Variants in OSBPL10 observed in about 807,000 individuals in gnomAD.
OSBPL10 encodes oxysterol binding protein like 10.
In OSBPL10, 49 loss-of-function variants were observed where a neutral mutation model predicts 81.7. The ratio of observed to expected loss-of-function variants is 0.60; its 90% confidence interval spans 0.48 to 0.76. The LOEUF is 0.76. Ranked by LOEUF, OSBPL10 falls within the 30% of genes least tolerant of loss-of-function variation. The pLI, the probability that OSBPL10 is intolerant of heterozygous loss-of-function variation, is 0.00. For synonymous variants in OSBPL10, 419 were observed against 383.6 expected, an observed-to-expected ratio of 1.09 and a Z score of -1.08; for missense variants, 923 against 987.8, an observed-to-expected ratio of 0.93 and a Z score of 0.88.
chr3:31,833,654 A>G (rs2125536746), intron 3 of OSBPL10, among the ~76,000 whole-genome samples: 1 of 152,026 alleles, frequency 6.6e-6, no homozygotes, highest in East Asian at 1.9e-4. Context: ...AAATACTTAC[A>G]GGGTCAGCCA....
intron 8 of OSBPL10, 101 bp downstream of exon 8, chr3:31,683,533 C>T (rs1700707947): frequency 6.8e-7 from 1 of 1,477,166 alleles, no homozygotes; most frequent in African/African-American, 1.4e-5. Context: ...CAGTTAAAAA[C>T]AACAACAACA....
At chr3:31,939,141 A>T (rs1192336314) in intron 1 of OSBPL10, among the ~76,000 whole-genome samples, 4 of 104,174 alleles carry the variant, frequency 3.8e-5, no homozygotes, top group African/African-American at 1.7e-4. Flanking sequence ...AGACTCTCTC[A>T]TCCTTTTTTT....
chr3:31,856,913 T>C (rs1032710218), intron 3 of OSBPL10, among the ~76,000 whole-genome samples: 2 of 152,084 alleles, frequency 1.3e-5, no homozygotes, highest in African/African-American at 4.8e-5. Flanking sequence ...CCGTCTCTAC[T>C]AAAAATACAA....
intron 3 of OSBPL10, among the ~76,000 whole-genome samples, chr3:31,866,812 A>T (rs1322816354): frequency 1.3e-5 from 2 of 152,076 alleles, no homozygotes; most frequent in African/African-American, 2.4e-5. Context: ...TTAATGTGCA[A>T]TTATCATTCT....
chr3:31,930,935 A>G (rs1298157671), intron 1 of OSBPL10, among the ~76,000 whole-genome samples: 10 of 144,754 alleles, frequency 6.9e-5, no homozygotes, highest in Admixed American at 1.5e-4. Context: ...AATGGCGTGA[A>G]CCCAGGAGGC....
intron 1 of OSBPL10, among the ~76,000 whole-genome samples, chr3:32,068,467 G>C (rs1023017166): frequency 1.9e-4 from 29 of 151,766 alleles, no homozygotes; most frequent in African/African-American, 7.0e-4. Flanking sequence ...CTTCACTATG[G>C]GCAACCTTCC....
chr3:31,874,641 A>G (rs1391461279), intron 3 of OSBPL10, among the ~76,000 whole-genome samples: 1 of 152,200 alleles, frequency 6.6e-6, no homozygotes, highest in Admixed American at 6.5e-5. Flanking sequence ...GATTTTAGAC[A>G]TGAAAATAAA....
At chr3:32,066,005 A>AAGAG (rs202020945) in intron 1 of OSBPL10, among the ~76,000 whole-genome samples, 2 of 48,570 alleles carry the variant, frequency 4.1e-5, no homozygotes, top group Non-Finnish European at 5.3e-5. Context: ...GAAAGAAAGA[A>AAGAG]AGAGAAAGAA....
At chr3:31,877,577 GAA>G (rs34135743) in intron 2 of OSBPL10, among the ~76,000 whole-genome samples, 2 of 145,200 alleles carry the variant, frequency 1.4e-5, no homozygotes, top group African/African-American at 5.0e-5. Flanking sequence ...TGTTGACTAT[GAA>G]AAAAAAAAAC....
intron 6 of OSBPL10, chr3:31,713,832 C>T (rs1184858013): frequency 1.3e-5 from 2 of 152,306 alleles, no homozygotes; most frequent in Non-Finnish European, 2.9e-5. Flanking sequence ...TGATCACTCT[C>T]AACTATATTA....
intron 1 of OSBPL10, among the ~76,000 whole-genome samples, chr3:31,921,219 A>G (rs1696902979): frequency 1.3e-5 from 2 of 152,218 alleles, no homozygotes; most frequent in African/African-American, 4.8e-5. Context: ...GTGTATATAT[A>G]CACCTTAGTA....
chr3:31,662,670 G>C, intron 11 of OSBPL10: 1 of 985,616 alleles, frequency 1.0e-6, no homozygotes, highest in Non-Finnish European at 1.2e-6. Flanking sequence ...AACTGTGCTG[G>C]TGTTCAGATG....
intron 3 of OSBPL10, among the ~76,000 whole-genome samples, chr3:31,862,800 C>A (rs987107134): frequency 6.6e-6 from 1 of 152,126 alleles, no homozygotes; most frequent in Non-Finnish European, 1.5e-5. Flanking sequence ...AAAATTGGAA[C>A]CCTATACATT....
At chr3:31,693,824 G>A (rs1472920376) in intron 7 of OSBPL10, among the ~76,000 whole-genome samples, 1 of 152,148 alleles carries the variant, frequency 6.6e-6, no homozygotes, top group African/African-American at 2.4e-5. Context: ...CTGGAGTGCA[G>A]TGGTATGATC....
At chr3:31,860,112 C>CTGAGTCAA (rs1489778150) in intron 3 of OSBPL10, among the ~76,000 whole-genome samples, 2 of 152,164 alleles carry the variant, frequency 1.3e-5, no homozygotes, top group African/African-American at 4.8e-5. Context: ...TACATGAAGT[C>CTGAGTCAA]TGAGTCAATG....
Position 31,668,725 on chromosome 3 carries a change from T to G in OSBPL10, c.2013A>C (p.Glu671Asp). The change falls in exon 10 of 12, where the codon GAA becomes GAC. Residue 671 changes from glutamate (E) to aspartate (D), a missense_variant. Coordinates refer to ENST00000396556, the MANE Select transcript of OSBPL10 (RefSeq NM_017784.5). ...GTGTGGTTGTGTCGATGACTTTGGT[T>G]TCTCCATTGTTGTAGGTGAACTCTA... ...GTLEFTYNNG[E>D]TKVIDTTTLP... The G allele has an allele frequency of 6.2e-7, 1 of 1,614,176 alleles. No individual in the cohort carries two copies. The highest frequency in any genetic ancestry group is 8.5e-7 in the Non-Finnish European group (1 of 1,180,018).
In OSBPL10 at chr3:31,927,528, T is replaced by C. The variant is rs570792773; in HGVS notation, c.282-47698A>G. 1.8e-3 allele frequency among the ~76,000 whole-genome samples: 278 copies of C among 152,374 alleles called. 1 individual carries two copies. Among genetic ancestry groups the C allele is most frequent in the African/African-American group, 6.4e-3 (268 of 41,596 alleles). ...AACTGAACAACCTATGTCAGATTTA[T>C]CTTTTCTGGATGCCCAGAGTCATCT... On this transcript the variant is annotated intron_variant, in intron 1 of 11. Transcript: ENST00000396556.
In OSBPL10 at chr3:31,661,807, AATC is replaced by A. The variant is rs1700076770; in HGVS notation, c.*262_*264del. 1 of 351,116 alleles carries A rather than the reference AATC, an allele frequency of 2.8e-6. No individual in the cohort carries two copies. Among genetic ancestry groups the A allele is most frequent in the African/African-American group, 2.1e-5 (1 of 47,454 alleles). 21.8% of individuals were successfully genotyped at this position (351,116 alleles called of 1,614,324 possible). Reference sequence around the variant, plus strand: ...TGGTGAGTGCAGTATTTAAATGTGTAATCATACTCAGATGTTTACATAGTGCAT... The same window carrying A: ...TGGTGAGTGCAGTATTTAAATGTGTAATACTCAGATGTTTACATAGTGCAT... On this transcript the variant is annotated 3_prime_UTR_variant, in exon 12 of 12. Coordinates refer to ENST00000396556, the MANE Select transcript of OSBPL10 (RefSeq NM_017784.5).
intron 7 of OSBPL10, among the ~76,000 whole-genome samples, chr3:31,687,613 C>T (rs1343274321): frequency 3.3e-5 from 5 of 152,264 alleles, no homozygotes; most frequent in East Asian, 1.9e-4. Flanking sequence ...ACCCAGTGGC[C>T]GAGCCAGCAG....
Sources: gnomAD v4.1 joint callset for allele counts (sites outside exome capture counted in the v4.1 genomes callset) on GRCh38, gnomAD v4.1.1 for gene constraint, MANE v1.5 for transcripts, NCBI Gene and HGNC (gene_info 2026-07-23, HGNC 2026-07-21) for gene names.